The following CDC42BPA variants were observed in gnomAD, a reference collection of about 807,000 sequenced individuals.
CDC42BPA encodes the protein serine/threonine-protein kinase MRCK alpha.
CDC42BPA carries 80 observed loss-of-function variants against 223.5 expected under a neutral mutation model. The ratio of observed to expected loss-of-function variants is 0.36; its 90% confidence interval spans 0.30 to 0.43. CDC42BPA has a LOEUF of 0.43. Among genes scored for constraint, CDC42BPA ranks in the 20% least tolerant of loss-of-function variants. The probability of loss-of-function intolerance (pLI) is 1.00; values close to 1 mark genes in which losing one functional copy is unlikely to be tolerated. For missense variants in CDC42BPA, 1,743 were observed against 2,099.9 expected, an observed-to-expected ratio of 0.83 and a Z score of 3.32; for synonymous variants, 694 against 718.6, an observed-to-expected ratio of 0.97 and a Z score of 0.55.
At chr1:227,064,102 G>A (rs1012847524) in intron 21 of CDC42BPA, among the ~76,000 whole-genome samples, 2 of 152,024 alleles carry the variant, frequency 1.3e-5, no homozygotes, top group Non-Finnish European at 2.9e-5. Flanking sequence ...AGACTGTTGG[G>A]CTATAGATAC....
At chr1:227,259,056 T>C (rs1032853166) in intron 1 of CDC42BPA, among the ~76,000 whole-genome samples, 6 of 151,074 alleles carry the variant, frequency 4.0e-5, no homozygotes, top group Non-Finnish European at 8.8e-5. Context: ...ATGATAACAA[T>C]ACCTTGACTT....
At chr1:227,059,310 C>A in intron 21 of CDC42BPA, 8 of 1,378,044 alleles carry the variant, frequency 5.8e-6, no homozygotes, top group Non-Finnish European at 8.1e-6. Flanking sequence ...CAATCACAGG[C>A]AAAAGGATGA....
At chr1:227,281,280 G>A (rs1244299648) in intron 1 of CDC42BPA, among the ~76,000 whole-genome samples, 1 of 152,122 alleles carries the variant, frequency 6.6e-6, no homozygotes, top group African/African-American at 2.4e-5. Context: ...AAACCAGGTG[G>A]GGTGTGAGTA....
chr1:227,285,264 C>T (rs922296872), intron 1 of CDC42BPA, among the ~76,000 whole-genome samples: 1 of 152,212 alleles, frequency 6.6e-6, no homozygotes, highest in African/African-American at 2.4e-5. Flanking sequence ...CTCACATACA[C>T]TGACTTCCAT....
chr1:227,218,059 C>G (rs1311695120), intron 2 of CDC42BPA, among the ~76,000 whole-genome samples: 1 of 152,090 alleles, frequency 6.6e-6, no homozygotes, highest in Non-Finnish European at 1.5e-5. Context: ...TCTATAGCTA[C>G]TCAATAAACA....
At chr1:227,306,276 G>C (rs1439480043) in intron 1 of CDC42BPA, among the ~76,000 whole-genome samples, 1 of 151,484 alleles carries the variant, frequency 6.6e-6, no homozygotes, top group Non-Finnish European at 1.5e-5. Context: ...TGATTAATAA[G>C]ATCAGTAAGA....
chr1:227,048,005 T>A lies in CDC42BPA; in HGVS notation c.3015A>T (p.Val1005=). 1 of 1,604,358 alleles carries A rather than the reference T, an allele frequency of 6.2e-7. No homozygotes were observed. The change falls in exon 23 of 37, where the codon GTA becomes GTT. Residue 1005 remains valine, a synonymous_variant. Transcript: ENST00000366766. ...TSSEAEPVKT[V]DSTPLSVHTP... ...TGTGAACTGAAAGTGGAGTGGAGTC[T>A]ACAGTCTGAACCCAGGAGCAAAAAA...
chr1:227,046,783 T>A (rs1217039550), intron 23 of CDC42BPA, among the ~76,000 whole-genome samples: 1 of 152,152 alleles, frequency 6.6e-6, no homozygotes, highest in Non-Finnish European at 1.5e-5. Flanking sequence ...ATGTTCTTAA[T>A]AGTTTTCTGT....
rs775567448 is a variant in CDC42BPA, at chr1:227,023,327, T to A, written c.4551A>T (p.Glu1517Asp). The change falls in exon 32 of 37, where the codon GAA becomes GAT. Residue 1517 changes from glutamate to aspartate, a missense_variant. Glu to Asp is a conservative substitution (Grantham distance 45, BLOSUM62 2). Transcript: ENST00000366766. ...PLKKVRPLNN[E>D]GSLNLLGLET... Reference sequence around the variant, plus strand: ...CCAACCCTAAAAGATTTAATGATCCTTCATTGTTTAAGGGTCGAACCTAAA... The same window carrying A: ...CCAACCCTAAAAGATTTAATGATCCATCATTGTTTAAGGGTCGAACCTAAA... 6 of 1,547,018 alleles carry A rather than the reference T, an allele frequency of 3.9e-6. No homozygotes were observed. Among genetic ancestry groups the A allele is most frequent in the Non-Finnish European group, 5.3e-6 (6 of 1,129,580 alleles).
rs1469275591 is a variant in CDC42BPA at position 227,051,950 on chromosome 1, C to T, written c.2940G>A (p.Pro980=). ...GTGACTGGATGTGAAACTTGACGCT[C>T]GGGTTCCATACATATGTGTTCTCAA... ...DPVENTYVWN[P]SVKFHIQSRS... The change falls in exon 22 of 37, where the codon CCG becomes CCA. Residue 980 remains proline, a synonymous_variant. Transcript: ENST00000366766. The T allele has an allele frequency of 8.1e-6, 11 of 1,366,322 alleles. No homozygotes were observed. The highest frequency in any genetic ancestry group is 3.4e-5 in the South Asian group (3 of 88,034). The allele number at this position is 1,366,322 out of a possible 1,614,324, so 84.6% of individuals were successfully genotyped here.
chr1:227,024,737 A>T (rs1667945603), intron 31 of CDC42BPA, among the ~76,000 whole-genome samples: 1 of 152,242 alleles, frequency 6.6e-6, no homozygotes, highest in African/African-American at 2.4e-5. Flanking sequence ...AAACTGAAAG[A>T]TATATTATTT....
intron 1 of CDC42BPA, among the ~76,000 whole-genome samples, chr1:227,310,854 T>A (rs63290361): frequency 2.9e-5 from 2 of 68,388 alleles, no homozygotes; most frequent in African/African-American, 1.2e-4. Context: ...GCCCGGCTAA[T>A]TTTTTTTTTT....
intron 1 of CDC42BPA, among the ~76,000 whole-genome samples, chr1:227,260,882 A>C (rs895144637): frequency 1.3e-5 from 2 of 151,022 alleles, no homozygotes; most frequent in Non-Finnish European, 2.9e-5. Context: ...GGGAAGAATG[A>C]GAAAAGAGTA....
At chr1:227,244,371 C>A (rs372866672) in intron 2 of CDC42BPA, among the ~76,000 whole-genome samples, 1 of 151,756 alleles carries the variant, frequency 6.6e-6, no homozygotes, top group African/African-American at 2.4e-5. Context: ...CTGTTGAGCA[C>A]AAGAAGCCAG....
intron 14 of CDC42BPA, among the ~76,000 whole-genome samples, chr1:227,108,015 C>T (rs6664803): frequency 0.83 from 126,298 of 152,152 alleles, 52,462 homozygotes; most frequent in East Asian, 0.88. Flanking sequence ...TAATTAAAGG[C>T]TGTCAATTTT....
rs1288521379 is a variant in CDC42BPA, at chr1:227,316,978, C to G, written c.178+27G>C. On this transcript the variant is annotated intron_variant, in intron 1 of 36. Transcript: ENST00000366766. The stretch of plus-strand genomic sequence containing the variant: ...ATCATAATGACCAGCTAAAGATTAA[C>G]AGTTTCTTTAAAAATTACAAACTTA... 4 of 1,537,174 alleles carry G rather than the reference C, an allele frequency of 2.6e-6. No individual in the cohort carries two copies. In the African/African-American group the frequency reaches 5.5e-5, roughly 21 times the overall value.
At chr1:227,207,499 A>G (rs1036781254) in intron 3 of CDC42BPA, among the ~76,000 whole-genome samples, 2 of 131,374 alleles carry the variant, frequency 1.5e-5, no homozygotes, top group Admixed American at 1.5e-4. Context: ...ATATCTCCCA[A>G]TGCTATCCCT....
chr1:227,263,490 A>G lies in CDC42BPA; in HGVS notation c.179-9335T>C, dbSNP rs115539866. On this transcript the variant is annotated intron_variant, in intron 1 of 36. Coordinates refer to ENST00000366766, the MANE Select transcript of CDC42BPA (RefSeq NM_001394014.1). ...CAGGGAAAATGATACTCTTCCACTG[A>G]CTACAAGTCATTGCAGAGGCAATTT... Among the ~76,000 whole-genome samples, 683 of 152,244 alleles carry G rather than the reference A, an allele frequency of 4.5e-3. 5 individuals are homozygous for G. The highest frequency in any genetic ancestry group is 0.016 in the African/African-American group (659 of 41,542).
chr1:227,041,041 CA>C (rs1429598008), intron 23 of CDC42BPA, among the ~76,000 whole-genome samples: 1 of 151,990 alleles, frequency 6.6e-6, no homozygotes, highest in Non-Finnish European at 1.5e-5. Context: ...TCCTTATCTA[CA>C]AAACAGGATA....
Sources: gnomAD v4.1 joint callset for allele counts (sites outside exome capture counted in the v4.1 genomes callset) on GRCh38, gnomAD v4.1.1 for gene constraint, MANE v1.5 for transcripts, NCBI Gene and HGNC (gene_info 2026-07-23, HGNC 2026-07-21) for gene names.